The following PCDHA5 variants were observed in gnomAD, a reference collection of about 807,000 sequenced individuals.
PCDHA5 encodes protocadherin alpha-5.
In PCDHA5, 43 loss-of-function variants were observed where a neutral mutation model predicts 61.6. The observed-to-expected ratio is 0.70, with a 90% CI of 0.55 to 0.90. The LOEUF (loss-of-function observed/expected upper bound fraction) is 0.90. Among genes scored for constraint, PCDHA5 ranks in the 40% least tolerant of loss-of-function variants. The probability of loss-of-function intolerance (pLI) is 0.00; values close to 1 mark genes in which losing one functional copy is unlikely to be tolerated. For missense variants in PCDHA5, 1,298 were observed against 1,222.7 expected (o/e 1.06, Z -0.92); for synonymous variants, 627 against 543.9 (o/e 1.15, Z -2.13).
intron 1 of PCDHA5, among the ~76,000 whole-genome samples, chr5:140,903,721 C>A (rs2070530222): frequency 6.6e-6 from 1 of 152,152 alleles, no homozygotes; most frequent in Non-Finnish European, 1.5e-5. Flanking sequence ...ACAATTCTCC[C>A]TATTATCAAT....
chr5:140,941,211 CTTCCTTTCTTTCTTTCTTT>C (rs1563185577), intron 1 of PCDHA5, among the ~76,000 whole-genome samples: 1,494 of 129,708 alleles, frequency 0.012, 26 homozygotes, highest in African/African-American at 0.041. Flanking sequence ...TCCTTTCTTT[CTTCCTTTCTTTCTTTCTTT>C]CTTTCTTTCT....
Position 140,969,025 on chromosome 5 carries a change from T to G in PCDHA5, c.2353-9924T>G, listed in dbSNP as rs1554231368. On this transcript the variant is annotated intron_variant, in intron 1 of 3. Transcript: ENST00000529859. ...TCTGTGGAGTAAGGGAAAGGTCCCC[T>G]GCAGAACTGTACAAACAAGCCAACA... The G allele has an allele frequency of 1.9e-6, 3 of 1,614,178 alleles. No individual in the cohort carries two copies. The East Asian group carries it at 6.7e-5, about 36-fold the overall frequency.
chr5:140,849,959 C>A (rs527334652), intron 1 of PCDHA5: 1 of 1,597,764 alleles, frequency 6.3e-7, no homozygotes, highest in African/African-American at 1.3e-5. Flanking sequence ...AGGAGAACGC[C>A]CTGGTGTCCT....
intron 3 of PCDHA5, among the ~76,000 whole-genome samples, chr5:140,986,383 A>G (rs1277624649): frequency 2.6e-5 from 4 of 152,178 alleles, no homozygotes; most frequent in Admixed American, 1.3e-4. Flanking sequence ...GGGGAGGGAC[A>G]TTAAAGGGCC....
chr5:140,884,590 C>T, intron 1 of PCDHA5: 1 of 1,614,182 alleles, frequency 6.2e-7, no homozygotes, highest in Non-Finnish European at 8.5e-7. Flanking sequence ...CCTTCAGTCC[C>T]AGCCTTCCTC....
intron 1 of PCDHA5, chr5:140,875,832 C>A: frequency 1.2e-6 from 2 of 1,614,086 alleles, no homozygotes; most frequent in South Asian, 1.1e-5. Flanking sequence ...TCCATGTGGA[C>A]GTGGAGGTGA....
chr5:140,862,997 G>T, intron 1 of PCDHA5: 1 of 549,924 alleles, frequency 1.8e-6, no homozygotes, highest in Non-Finnish European at 3.6e-6. Context: ...GCGCACGGTG[G>T]ACTCCAGCTA....
At chr5:140,884,574 T>C (rs1554181755) in intron 1 of PCDHA5, 1 of 1,614,014 alleles carries the variant, frequency 6.2e-7, no homozygotes, top group East Asian at 2.2e-5. Context: ...AAGACGGACC[T>C]CATGGCCTTC....
intron 1 of PCDHA5, chr5:140,860,531 T>C (rs1488177116): frequency 1.3e-5 from 2 of 152,156 alleles, no homozygotes; most frequent in Non-Finnish European, 2.9e-5. Flanking sequence ...AATTCTGATT[T>C]GTAAGACAAA....
chr5:140,988,528 T>C (rs1391489747), intron 3 of PCDHA5, among the ~76,000 whole-genome samples: 1 of 152,194 alleles, frequency 6.6e-6, no homozygotes, highest in African/African-American at 2.4e-5. Flanking sequence ...CTCTGCTGGC[T>C]CCATCCATTC....
chr5:140,899,249 G>A (rs1256693010), intron 1 of PCDHA5, among the ~76,000 whole-genome samples: 9 of 152,122 alleles, frequency 5.9e-5, no homozygotes, highest in African/African-American at 2.2e-4. Context: ...TGGTGAGAGA[G>A]GGCATCCCTG....
chr5:140,985,841 G>A (rs2097174040), intron 3 of PCDHA5, among the ~76,000 whole-genome samples: 1 of 145,238 alleles, frequency 6.9e-6, no homozygotes, highest in Admixed American at 7.3e-5. Context: ...CCGGGTTCAT[G>A]CCACTCTCCT....
At chr5:140,966,425 G>A in intron 1 of PCDHA5, 1 of 421,678 alleles carries the variant, frequency 2.4e-6, no homozygotes, top group South Asian at 9.9e-5. Flanking sequence ...GACTTGCTGA[G>A]CCCTCCTACC....
intron 1 of PCDHA5, chr5:140,929,103 G>A: frequency 6.2e-7 from 1 of 1,614,180 alleles, no homozygotes; most frequent in African/African-American, 1.3e-5. Flanking sequence ...ATCCTTGCAT[G>A]ACATCAGCCA....
intron 1 of PCDHA5, chr5:140,862,681 G>T: frequency 1.8e-6 from 1 of 551,660 alleles, no homozygotes. Context: ...GAACGTGCTG[G>T]TGTCCTACTC....
At chr5:140,913,394 A>G (rs2076316460) in intron 1 of PCDHA5, among the ~76,000 whole-genome samples, 1 of 152,204 alleles carries the variant, frequency 6.6e-6, no homozygotes, top group Non-Finnish European at 1.5e-5. Flanking sequence ...CATAGCCACT[A>G]ATGATCCTTT....
At chr5:140,869,892 A>C in intron 1 of PCDHA5, 2 of 1,610,608 alleles carry the variant, frequency 1.2e-6, no homozygotes, top group Non-Finnish European at 1.7e-6. Context: ...TTGTGCTCAA[A>C]CTAAACGCCA....
At chr5:140,893,762 T>A (rs1337056301) in intron 1 of PCDHA5, among the ~76,000 whole-genome samples, 1 of 152,196 alleles carries the variant, frequency 6.6e-6, no homozygotes, top group Non-Finnish European at 1.5e-5. Context: ...TATAGGTGAC[T>A]TGTCACTTTT....
intron 1 of PCDHA5, chr5:140,851,142 C>T: frequency 7.6e-7 from 1 of 1,309,246 alleles, no homozygotes; most frequent in Non-Finnish European, 9.9e-7. Flanking sequence ...ATTAAAGTGA[C>T]ATTGAATTTC....
Sources: gnomAD v4.1 joint callset for allele counts (sites outside exome capture counted in the v4.1 genomes callset) on GRCh38, gnomAD v4.1.1 for gene constraint, MANE v1.5 for transcripts, NCBI Gene and HGNC (gene_info 2026-07-23, HGNC 2026-07-21) for gene names.